Variants in ZNF385B observed in about 807,000 individuals in gnomAD.
ZNF385B encodes zinc finger protein 385B, also known as zinc finger protein 533.
In ZNF385B, 23 loss-of-function variants were observed where a neutral mutation model predicts 39.2. The observed-to-expected ratio is 0.59, with a 90% confidence interval of 0.42 to 0.83. The LOEUF (loss-of-function observed/expected upper bound fraction) is 0.83, where lower values mean the gene tolerates loss of function less well. Ranked by LOEUF, ZNF385B falls within the 40% of genes least tolerant of loss-of-function variation. The pLI, the probability that ZNF385B is intolerant of heterozygous loss-of-function variation, is 0.00. For missense variants in ZNF385B, 552 were observed against 598.9 expected, an observed-to-expected ratio of 0.92 and a Z score of 0.82; for synonymous variants, 205 against 222.6, an observed-to-expected ratio of 0.92 and a Z score of 0.70.
At chr2:179,493,314 G>A (rs1443901373) in intron 5 of ZNF385B, among the ~76,000 whole-genome samples, 1 of 151,800 alleles carries the variant, frequency 6.6e-6, no homozygotes, top group Non-Finnish European at 1.5e-5. Flanking sequence ...ATAGGCATAT[G>A]GCATGTATAT....
chr2:179,785,188 A>G (rs1442595846), intron 1 of ZNF385B, among the ~76,000 whole-genome samples: 1 of 152,094 alleles, frequency 6.6e-6, no homozygotes, highest in Non-Finnish European at 1.5e-5. Context: ...CTTAGAAGTC[A>G]GGCTAGTCAT....
At chr2:179,723,680 C>T (rs1700829771) in intron 3 of ZNF385B, among the ~76,000 whole-genome samples, 1 of 152,080 alleles carries the variant, frequency 6.6e-6, no homozygotes, top group Non-Finnish European at 1.5e-5. Flanking sequence ...ACAGGAATTA[C>T]TTCTGGGAAC....
chr2:179,662,417 A>G (rs1300631672), intron 3 of ZNF385B, among the ~76,000 whole-genome samples: 1 of 151,152 alleles, frequency 6.6e-6, no homozygotes, highest in African/African-American at 2.4e-5. Flanking sequence ...ACTTTGAAAC[A>G]ATACATTTCT....
intron 1 of ZNF385B, among the ~76,000 whole-genome samples, chr2:179,816,819 A>G (rs193003448): frequency 6.6e-6 from 1 of 152,300 alleles, no homozygotes; most frequent in East Asian, 1.9e-4. Context: ...ACTGTACTCT[A>G]ATTGCCATTC....
At chr2:179,727,880 T>C (rs905378908) in intron 3 of ZNF385B, among the ~76,000 whole-genome samples, 3 of 152,120 alleles carry the variant, frequency 2.0e-5, no homozygotes, top group African/African-American at 7.2e-5. Flanking sequence ...AGGTTTTCAC[T>C]GGGTGACAAA....
chr2:179,651,672 A>C (rs1171687340), intron 3 of ZNF385B, among the ~76,000 whole-genome samples: 3 of 152,196 alleles, frequency 2.0e-5, no homozygotes, highest in Non-Finnish European at 4.4e-5. Flanking sequence ...ACAGTCCCCG[A>C]GACTGATTTT....
intron 1 of ZNF385B, among the ~76,000 whole-genome samples, chr2:179,771,749 T>A (rs1363854454): frequency 6.6e-6 from 1 of 152,258 alleles, no homozygotes. Flanking sequence ...TATCTTCTCT[T>A]AAAATATTAA....
intron 6 of ZNF385B, among the ~76,000 whole-genome samples, chr2:179,479,732 C>T (rs377105552): frequency 2.0e-5 from 3 of 151,994 alleles, no homozygotes; most frequent in South Asian, 2.1e-4. Flanking sequence ...CCCAGCTCCT[C>T]GGAGGCTGAG....
chr2:179,647,101 T>C (rs575043920), intron 3 of ZNF385B, among the ~76,000 whole-genome samples: 5 of 152,270 alleles, frequency 3.3e-5, no homozygotes, highest in African/African-American at 1.2e-4. Context: ...TATATGTGAA[T>C]AGAACACCCA....
chr2:179,493,494 T>TAC (rs1460862157), intron 5 of ZNF385B, among the ~76,000 whole-genome samples: 2 of 149,782 alleles, frequency 1.3e-5, no homozygotes, highest in Admixed American at 6.6e-5. Context: ...TGTATAAACG[T>TAC]GTGTGTACAT....
At chr2:179,642,414 A>G (rs2106223114) in intron 3 of ZNF385B, among the ~76,000 whole-genome samples, 1 of 151,860 alleles carries the variant, frequency 6.6e-6, no homozygotes, top group Admixed American at 6.6e-5. Flanking sequence ...GAATCAAGCC[A>G]CTCCTTCATC....
chr2:179,529,074 G>A (rs955617951), intron 4 of ZNF385B, among the ~76,000 whole-genome samples: 1 of 152,058 alleles, frequency 6.6e-6, no homozygotes, highest in African/African-American at 2.4e-5. Context: ...CAATGTTTTT[G>A]GCGTTGATGT....
intron 5 of ZNF385B, among the ~76,000 whole-genome samples, chr2:179,494,744 G>A (rs2056013422): frequency 1.3e-5 from 2 of 151,626 alleles, no homozygotes; most frequent in Admixed American, 1.3e-4. Context: ...TTGTTTACAT[G>A]CCTATCAAGC....
chr2:179,503,160 C>T (rs971217674), intron 5 of ZNF385B, among the ~76,000 whole-genome samples: 1 of 152,172 alleles, frequency 6.6e-6, no homozygotes, highest in Non-Finnish European at 1.5e-5. Flanking sequence ...CAGGCATGAG[C>T]CACTGTGCCT....
intron 4 of ZNF385B, among the ~76,000 whole-genome samples, chr2:179,521,354 T>G (rs1559395517): frequency 1.9e-4 from 2 of 10,616 alleles, no homozygotes; most frequent in African/African-American, 4.4e-4. Flanking sequence ...ACCTGGCCAG[T>G]TTTTTTTTTT....
At chr2:179,596,230 TCTTA>T (rs750403376) in intron 3 of ZNF385B, among the ~76,000 whole-genome samples, 71 of 152,316 alleles carry the variant, frequency 4.7e-4, no homozygotes, top group Non-Finnish European at 5.7e-4. Flanking sequence ...CAGGATAGAC[TCTTA>T]CTTACAGGCT....
intron 3 of ZNF385B, among the ~76,000 whole-genome samples, chr2:179,595,474 C>T (rs1465008007): frequency 6.6e-6 from 1 of 152,096 alleles, no homozygotes; most frequent in Non-Finnish European, 1.5e-5. Flanking sequence ...GGCTGTAATG[C>T]TGTGGGCTGT....
intron 3 of ZNF385B, among the ~76,000 whole-genome samples, chr2:179,594,789 G>T (rs1285280584): frequency 7.8e-6 from 1 of 128,316 alleles, no homozygotes; most frequent in African/African-American, 2.9e-5. Flanking sequence ...AGTTGATATA[G>T]GTAAACTCTT....
chr2:179,557,844 A>T (rs1189315109), intron 3 of ZNF385B, among the ~76,000 whole-genome samples: 1 of 152,028 alleles, frequency 6.6e-6, no homozygotes, highest in Non-Finnish European at 1.5e-5. Context: ...ATAGTACCTG[A>T]TAGGTTTTCA....
Sources: gnomAD v4.1 joint callset for allele counts (sites outside exome capture counted in the v4.1 genomes callset) on GRCh38, gnomAD v4.1.1 for gene constraint, MANE v1.5 for transcripts, NCBI Gene and HGNC (gene_info 2026-07-23, HGNC 2026-07-21) for gene names.